Variants in PACRG observed in about 807,000 individuals in gnomAD.
The protein encoded by PACRG is parkin coregulated.
In PACRG, 29 loss-of-function variants were observed where a neutral mutation model predicts 29.7. The observed-to-expected ratio is 0.98, with a 90% CI of 0.73 to 1.33. PACRG has a LOEUF of 1.33. PACRG is among the 40% of genes most tolerant of loss of function. PACRG has a pLI of 0.00. For missense variants in PACRG, 279 were observed against 316.2 expected (o/e 0.88, Z 0.89); for synonymous variants, 116 against 118.7 (o/e 0.98, Z 0.15).
At chr6:163,117,263 C>T (rs894887398) in intron 4 of PACRG, among the ~76,000 whole-genome samples, 1 of 152,200 alleles carries the variant, frequency 6.6e-6, no homozygotes, top group Non-Finnish European at 1.5e-5. Flanking sequence ...GTGCCAGCAA[C>T]AAGTACAGAA....
chr6:162,891,237 A>C (rs1766356099), intron 2 of PACRG, among the ~76,000 whole-genome samples: 1 of 152,188 alleles, frequency 6.6e-6, no homozygotes, highest in Non-Finnish European at 1.5e-5. Context: ...TTTCAACTGC[A>C]ATGCTATTGC....
At chr6:163,020,745 T>C (rs764072421) in intron 2 of PACRG, among the ~76,000 whole-genome samples, 14 of 152,132 alleles carry the variant, frequency 9.2e-5, no homozygotes, top group Non-Finnish European at 1.5e-4. Context: ...GAAAGGTCCA[T>C]TGCTCTCCAC....
intron 1 of PACRG, among the ~76,000 whole-genome samples, chr6:162,746,603 C>T (rs1307210563): frequency 3.9e-5 from 6 of 152,132 alleles, no homozygotes; most frequent in African/African-American, 1.2e-4. Context: ...AATATGAAGA[C>T]GTTTTAGGCA....
Position 162,856,044 on chromosome 6 carries a change from T to TTTG in PACRG, c.291+41778_291+41780dup, listed in dbSNP as rs915676129. The stretch of plus-strand genomic sequence containing the variant: ...CAGGTCCAAAGCTGCGAGTTTTGGT[T>TTTG]TTGTTGTTGTTGTTGTTATTGTTGT... On this transcript the variant is annotated intron_variant, in intron 2 of 4. Transcript: ENST00000366888. 5.3e-5 allele frequency among the ~76,000 whole-genome samples: 8 copies of TTTG among 152,016 alleles called. No individual in the cohort carries two copies. The East Asian group carries it at 7.8e-4, about 15-fold the overall frequency.
At chr6:162,727,712 G>A (rs770057490), upstream of PACRG, 4 of 1,551,114 alleles carry the variant, frequency 2.6e-6, no homozygotes, top group South Asian at 1.2e-5. Context: ...ACAGGCCCAT[G>A]CGCGCAGCGG....
At chr6:162,765,903 C>T (rs1782749530) in intron 1 of PACRG, among the ~76,000 whole-genome samples, 1 of 151,800 alleles carries the variant, frequency 6.6e-6, no homozygotes. Context: ...CTTGGTGTTT[C>T]TTCTTTTTTC....
chr6:163,171,268 G>GA (rs72016054), intron 4 of PACRG, among the ~76,000 whole-genome samples: 8,693 of 148,964 alleles, frequency 0.058, 807 homozygotes, highest in African/African-American at 0.2. Context: ...GAAAAGAAAA[G>GA]AAAAAAAAAA....
intron 1 of PACRG, among the ~76,000 whole-genome samples, chr6:162,783,488 T>C (rs1784242545): frequency 6.6e-6 from 1 of 152,054 alleles, no homozygotes; most frequent in African/African-American, 2.4e-5. Context: ...CTGCTGTTTT[T>C]CATTTATCAT....
chr6:163,140,117 A>T (rs1562935891), intron 4 of PACRG, among the ~76,000 whole-genome samples: 1 of 152,198 alleles, frequency 6.6e-6, no homozygotes, highest in Non-Finnish European at 1.5e-5. Flanking sequence ...TGATGGCTCT[A>T]TACACGTAGA....
intron 4 of PACRG, among the ~76,000 whole-genome samples, chr6:163,294,152 C>T (rs1436641831): frequency 2.0e-5 from 3 of 151,982 alleles, no homozygotes; most frequent in African/African-American, 7.2e-5. Context: ...GGAAATTGTA[C>T]TTCTTTGTAT....
rs371300331 is a variant in PACRG, at chr6:162,928,147, G to T, written c.291+113866G>T. Among the ~76,000 whole-genome samples, 116 of 151,972 alleles carry T rather than the reference G, an allele frequency of 7.6e-4. 1 individual carries two copies. In the South Asian group the frequency reaches 0.024, roughly 31 times the overall value. ...TAGAATTTGTCAGTAAATCCATTTG[G>T]GCTTTTTTTGAGGGGAGACTTTTTA... On this transcript the variant is annotated intron_variant, in intron 2 of 4. Coordinates refer to ENST00000366888, the MANE Select transcript of PACRG (RefSeq NM_001080379.2).
chr6:162,962,524 G>A (rs1800709643), intron 2 of PACRG, among the ~76,000 whole-genome samples: 1 of 151,876 alleles, frequency 6.6e-6, no homozygotes, highest in Non-Finnish European at 1.5e-5. Context: ...TTTAGCTGAG[G>A]TCATGAAAGT....
intron 2 of PACRG, among the ~76,000 whole-genome samples, chr6:163,036,175 G>A (rs1808168946): frequency 6.6e-6 from 1 of 152,156 alleles, no homozygotes. Context: ...TTAACCACTT[G>A]AAGCATGCAA....
At chr6:162,945,734 T>C (rs896923410) in intron 2 of PACRG, among the ~76,000 whole-genome samples, 2 of 152,062 alleles carry the variant, frequency 1.3e-5, no homozygotes, top group Non-Finnish European at 2.9e-5. Flanking sequence ...TCCAGGATAG[T>C]TCATATGTTA....
At chr6:162,994,647 T>A (rs1009755840) in intron 2 of PACRG, among the ~76,000 whole-genome samples, 7 of 144,554 alleles carry the variant, frequency 4.8e-5, no homozygotes, top group African/African-American at 1.6e-4. Context: ...TTCTTCTAAA[T>A]TTTTTTCAAA....
At chr6:163,274,922 G>C (rs1331291551) in intron 4 of PACRG, among the ~76,000 whole-genome samples, 1 of 138,150 alleles carries the variant, frequency 7.2e-6, no homozygotes, top group Non-Finnish European at 1.5e-5. Context: ...TGATGCAGTA[G>C]CATGATCTCA....
At chr6:162,736,067 C>T (rs1353040051) in intron 1 of PACRG, among the ~76,000 whole-genome samples, 1 of 152,224 alleles carries the variant, frequency 6.6e-6, no homozygotes, top group Non-Finnish European at 1.5e-5. Flanking sequence ...ACATTATACA[C>T]ATCTCATTAT....
intron 4 of PACRG, among the ~76,000 whole-genome samples, chr6:163,140,963 T>G (rs2128334362): frequency 6.6e-6 from 1 of 152,338 alleles, no homozygotes; most frequent in Admixed American, 6.5e-5. Flanking sequence ...AAAGCTGCTC[T>G]TCGAATTGGA....
chr6:163,200,209 A>C (rs1780639443), intron 4 of PACRG, among the ~76,000 whole-genome samples: 1 of 152,192 alleles, frequency 6.6e-6, no homozygotes, highest in South Asian at 2.1e-4. Flanking sequence ...TTTTTATTAA[A>C]AATACAGAAA....
Sources: gnomAD v4.1 joint callset for allele counts (sites outside exome capture counted in the v4.1 genomes callset) on GRCh38, gnomAD v4.1.1 for gene constraint, MANE v1.5 for transcripts, NCBI Gene and HGNC (gene_info 2026-07-23, HGNC 2026-07-21) for gene names.